The following CECR2 variants were observed in gnomAD, a reference collection of about 807,000 sequenced individuals.
CECR2 encodes the protein chromatin remodeling regulator CECR2.
In CECR2, 30 loss-of-function variants were observed where a neutral mutation model predicts 154.5. The ratio of observed to expected loss-of-function variants is 0.19; its 90% CI spans 0.15 to 0.26. CECR2 has a LOEUF of 0.26. Ranked by LOEUF, CECR2 falls within the 10% of genes least tolerant of loss-of-function variation. The pLI, the probability that CECR2 is intolerant of heterozygous loss-of-function variation, is 1.00. For synonymous variants in CECR2, 725 were observed against 683.7 expected, an observed-to-expected ratio of 1.06 and a Z score of -0.94; for missense variants, 1,743 against 1,829.3, an observed-to-expected ratio of 0.95 and a Z score of 0.86.
At chr22:17,493,479 C>T (rs901655728) in intron 2 of CECR2, among the ~76,000 whole-genome samples, 7 of 152,202 alleles carry the variant, frequency 4.6e-5, no homozygotes, top group African/African-American at 1.2e-4. Context: ...TGCCTTTGCC[C>T]TCAAGAGATT....
intron 4 of CECR2, 110 bp downstream of exon 4, chr22:17,499,659 T>TTTGC: frequency 9.1e-7 from 1 of 1,100,786 alleles, no homozygotes; most frequent in Non-Finnish European, 1.3e-6. Context: ...AGGAATTCTC[T>TTTGC]AAGCATGCCT....
At chr22:17,480,457 CACAGAGA>C (rs1165395788) in intron 2 of CECR2, among the ~76,000 whole-genome samples, 1 of 110,062 alleles carries the variant, frequency 9.1e-6, no homozygotes, top group Non-Finnish European at 2.2e-5. Context: ...CACACACACA[CACAGAGA>C]AAAGTGCTCA....
intron 1 of CECR2, among the ~76,000 whole-genome samples, chr22:17,387,418 G>A (rs2063276139): frequency 6.6e-6 from 1 of 152,214 alleles, no homozygotes; most frequent in South Asian, 2.1e-4. Flanking sequence ...AAAAGAAGCT[G>A]AAAGGTCATG....
intron 9 of CECR2, 25 bp downstream of exon 9, chr22:17,524,296 G>A: frequency 6.2e-7 from 1 of 1,602,112 alleles, no homozygotes; most frequent in Non-Finnish European, 8.5e-7. Flanking sequence ...CGCGTGGTCT[G>A]GAGAGGTGCA....
intron 16 of CECR2, among the ~76,000 whole-genome samples, chr22:17,547,843 G>A (rs1171279758): frequency 6.6e-6 from 1 of 152,162 alleles, no homozygotes; most frequent in Non-Finnish European, 1.5e-5. Context: ...GAGTCCGTGA[G>A]CCACAAGCCG....
intron 17 of CECR2, 103 bp downstream of exon 17, chr22:17,549,667 C>A: frequency 2.9e-6 from 3 of 1,051,824 alleles, no homozygotes; most frequent in Non-Finnish European, 4.1e-6. Context: ...GGCTGGAGTG[C>A]AGTGGTGTGA....
intron 1 of CECR2, among the ~76,000 whole-genome samples, chr22:17,428,798 T>TGTGTGTGTG (rs2054371930): frequency 1.2e-4 from 17 of 136,422 alleles, no homozygotes; most frequent in Admixed American, 2.9e-4. Flanking sequence ...ATGTTTTTAT[T>TGTGTGTGTG]TGTGTGTGTG....
At chr22:17,430,631 A>G (rs2054406959) in intron 1 of CECR2, among the ~76,000 whole-genome samples, 1 of 152,178 alleles carries the variant, frequency 6.6e-6, no homozygotes, top group South Asian at 2.1e-4. Context: ...AGAAGGGTTC[A>G]TCCTAAGCCT....
At chr22:17,487,200 C>A (rs1338031629) in intron 2 of CECR2, among the ~76,000 whole-genome samples, 1 of 152,128 alleles carries the variant, frequency 6.6e-6, no homozygotes, top group Non-Finnish European at 1.5e-5. Flanking sequence ...CAAATCTGGT[C>A]AGTGGGTTTT....
intron 1 of CECR2, among the ~76,000 whole-genome samples, chr22:17,382,180 G>A (rs2401113): frequency 0.19 from 28,889 of 151,596 alleles, 3,090 homozygotes; most frequent in East Asian, 0.28. Flanking sequence ...GTGAGCCACT[G>A]TGCCCGGCCA....
chr22:17,503,981 A>C (rs1051294873), intron 6 of CECR2, among the ~76,000 whole-genome samples: 1 of 152,060 alleles, frequency 6.6e-6, no homozygotes, highest in Non-Finnish European at 1.5e-5. Context: ...CAGGAGGCGG[A>C]GGCTGCAGTG....
chr22:17,495,193 A>T (rs1191456335), intron 2 of CECR2, among the ~76,000 whole-genome samples: 4 of 152,224 alleles, frequency 2.6e-5, no homozygotes, highest in African/African-American at 9.7e-5. Flanking sequence ...GGTAAATTAG[A>T]TCTTGATTCT....
intron 1 of CECR2, among the ~76,000 whole-genome samples, chr22:17,439,400 T>TG (rs1390509102): frequency 1.3e-5 from 2 of 152,150 alleles, no homozygotes; most frequent in African/African-American, 4.8e-5. Context: ...TAAAAAAACA[T>TG]GGACAAGCAA....
intron 7 of CECR2, among the ~76,000 whole-genome samples, chr22:17,506,296 T>G (rs930604005): frequency 3.9e-5 from 6 of 152,046 alleles, no homozygotes; most frequent in African/African-American, 1.2e-4. Context: ...CTGGCTAATC[T>G]TTTAATTTTA....
Position 17,465,373 on chromosome 22 carries a change from A to T in CECR2, c.127-12215A>T, listed in dbSNP as rs539617529. ...GAGACCTAGTCTCACTCTGTCTCCC[A>T]GGCTGGAGTACAGTGGCACAGTCTT... On this transcript the variant is annotated intron_variant, in intron 1 of 18. Coordinates refer to ENST00000262608, the MANE Select transcript of CECR2 (RefSeq NM_001290047.2). 1.2e-4 allele frequency among the ~76,000 whole-genome samples: 18 copies of T among 152,138 alleles called. 1 individual carries two copies. The South Asian group carries it at 3.7e-3, about 32-fold the overall frequency.
chr22:17,447,686 G>A (rs1411697433), intron 1 of CECR2, among the ~76,000 whole-genome samples: 30 of 151,202 alleles, frequency 2.0e-4, no homozygotes, highest in Admixed American at 1.9e-3. Flanking sequence ...GGTCGGGGGC[G>A]GTGGGGGGCT....
chr22:17,491,103 C>T (rs771123461), intron 2 of CECR2, among the ~76,000 whole-genome samples: 1 of 152,210 alleles, frequency 6.6e-6, no homozygotes, highest in Non-Finnish European at 1.5e-5. Context: ...TGGATACACA[C>T]TTAATCCTTC....
chr22:17,424,983 A>G (rs1056224217), intron 1 of CECR2, among the ~76,000 whole-genome samples: 6 of 152,272 alleles, frequency 3.9e-5, no homozygotes, highest in African/African-American at 1.4e-4. Context: ...GTGTTTCAGA[A>G]TGATATAATC....
chr22:17,468,785 G>A (rs1159932719), intron 1 of CECR2, among the ~76,000 whole-genome samples: 1 of 152,086 alleles, frequency 6.6e-6, no homozygotes, highest in African/African-American at 2.4e-5. Context: ...ATACTGTTTT[G>A]CCGTAACAAA....
Sources: allele counts gnomAD v4.1 joint callset (sites outside exome capture counted in the v4.1 genomes callset), GRCh38; gene constraint gnomAD v4.1.1; transcripts MANE v1.5; gene names NCBI Gene and HGNC (gene_info 2026-07-23, HGNC 2026-07-21).